KCP: variants seen among roughly 807,000 people sequenced by gnomAD.
KCP encodes kielin/chordin-like protein.
A neutral mutation model predicts 212.7 loss-of-function variants in KCP; 194 were observed. The observed-to-expected ratio is 0.91, with a 90% confidence interval of 0.81 to 1.03. The LOEUF is 1.03. KCP is among the 50% of genes least tolerant of loss of function. KCP has a pLI of 0.00. For missense variants in KCP, 2,080 were observed against 2,162.5 expected (o/e 0.96, Z 0.76); for synonymous variants, 833 against 865.3 (o/e 0.96, Z 0.65).
At position 128,884,122 on chromosome 7, in the gene KCP, GC is replaced by G; in HGVS notation, c.3124-1del. 6.5e-7 allele frequency: 1 copy of G among 1,543,116 alleles called. No individual in the cohort carries two copies. The highest frequency in any genetic ancestry group is 8.7e-7 in the Non-Finnish European group (1 of 1,144,914). ...AGGCTGGGAGGCCCCTCAGGCTGTG[GC>G]TACAAGAATGAGTGAGCAGCGGTGG... On this transcript the variant is annotated splice_acceptor_variant, in intron 28 of 39. Transcript: ENST00000610776. LOFTEE classifies it high-confidence loss of function.
chr7:128,885,031 C>T (rs892744916), intron 27 of KCP, 66 bp downstream of exon 27: 11 of 1,538,748 alleles, frequency 7.1e-6, no homozygotes, highest in South Asian at 3.6e-5. Context: ...GGCCCAGCAG[C>T]GGCAGGGAGG....
rs1303565040 is a variant in KCP at position 128,877,283 on chromosome 7, G to A, written c.4647C>T (p.Phe1549=). The A allele has an allele frequency of 5.3e-6, 8 of 1,510,336 alleles. No individual in the cohort carries two copies. The Admixed American group carries it at 7.6e-5, about 14-fold the overall frequency. The allele number at this position is 1,510,336 out of a possible 1,614,324, so 93.6% of individuals were successfully genotyped here. A position where few individuals can be genotyped will look rare whatever the true frequency, so the allele number is the denominator to read the frequency against. Residue 1549 remains phenylalanine (F), a synonymous_variant, in exon 40 of 40, where the codon TTC becomes TTT. Coordinates refer to ENST00000610776, the MANE Select transcript of KCP (RefSeq NM_001366122.1). ...CVVGCPLERG[F]VFDECGPPCP... is the part of the protein sequence containing the mutation. ...AGGGTGGGCCGCACTCATCAAACAC[G>A]AAGCCACGCTCCAGGGGGCAGCCTA...
In KCP at chr7:128,903,755, C is replaced by A; in HGVS notation, c.720G>T (p.Arg240Ser). The change falls in exon 7 of 40, where the codon AGG becomes AGT. Residue 240 changes from arginine to serine, a missense_variant. Transcript: ENST00000610776. ...GGCAGGTTGGGCAGCAGTGCCCAGG[C>A]CTCAGCACTGGCTCTGGGCAGGGGC... ...PPSPCPEPVL[R>S]PGHCCPTCQG... The A allele has an allele frequency of 6.4e-7, 1 of 1,550,986 alleles. No individual in the cohort carries two copies. The highest frequency in any genetic ancestry group is 8.7e-7 in the Non-Finnish European group (1 of 1,146,702).
chr7:128,899,949 G>T (rs1335742696), intron 8 of KCP, among the ~76,000 whole-genome samples: 1 of 133,152 alleles, frequency 7.5e-6, no homozygotes, highest in Non-Finnish European at 1.5e-5. Flanking sequence ...TCTGTACAGG[G>T]TTTCTGACCT....
intron 8 of KCP, among the ~76,000 whole-genome samples, chr7:128,901,319 C>T (rs1240860843): frequency 6.6e-6 from 1 of 152,198 alleles, no homozygotes; most frequent in East Asian, 1.9e-4. Flanking sequence ...TCTTTTATTC[C>T]TCTACTTTCT....
intron 28 of KCP, among the ~76,000 whole-genome samples, chr7:128,884,563 C>T (rs968284629): frequency 8.5e-5 from 13 of 152,206 alleles, no homozygotes; most frequent in African/African-American, 2.9e-4. Flanking sequence ...GGGCCACCTA[C>T]GGCCTCCTGC....
At chr7:128,888,144 C>CCA (rs1280327456) in intron 22 of KCP, among the ~76,000 whole-genome samples, 8 of 105,634 alleles carry the variant, frequency 7.6e-5, no homozygotes, top group African/African-American at 3.0e-4. Flanking sequence ...ACACACAGGG[C>CCA]CACACACACA....
chr7:128,906,336 G>A lies in KCP; in HGVS notation c.514C>T (p.Pro172Ser). ...LEGTITCNQKPCPRGPCPEPG... is the reference protein window; with the variant it reads ...LEGTITCNQKSCPRGPCPEPG... ...TCAGGGCAGGGTCCTCTTGGGCATGGCTTCTGGTTGCAAGTGATGGTACCT... is the reference window on the plus strand; with the variant it reads ...TCAGGGCAGGGTCCTCTTGGGCATGACTTCTGGTTGCAAGTGATGGTACCT... The change falls in exon 5 of 40, where the codon CCA becomes TCA. Residue 172 changes from proline (P) to serine (S), a missense_variant. Coordinates refer to ENST00000610776, the MANE Select transcript of KCP (RefSeq NM_001366122.1). 1 of 1,550,164 alleles carries A rather than the reference G, an allele frequency of 6.5e-7. No individual in the cohort carries two copies. The highest frequency in any genetic ancestry group is 8.7e-7 in the Non-Finnish European group (1 of 1,146,834).
At chr7:128,883,739 C>T (rs936500707) in intron 29 of KCP, among the ~76,000 whole-genome samples, 3 of 152,266 alleles carry the variant, frequency 2.0e-5, no homozygotes, top group Non-Finnish European at 4.4e-5. Flanking sequence ...CTGGGCCTCA[C>T]GTCTCAGCAC....
At position 128,882,494 on chromosome 7, in the gene KCP, C is replaced by T. The variant is rs570112349; in HGVS notation, c.3245-478G>A. On this transcript the variant is annotated intron_variant, in intron 29 of 39. Transcript: ENST00000610776. ...AATCTGTAAAAAGAGATTAATAATACTTCCCTCACTGGGTAACTATGAAAA... is the reference window on the plus strand; with the variant it reads ...AATCTGTAAAAAGAGATTAATAATATTTCCCTCACTGGGTAACTATGAAAA... Among the ~76,000 whole-genome samples, 7 of 152,304 alleles carry T rather than the reference C, an allele frequency of 4.6e-5. No individual in the cohort carries two copies. In the East Asian group the frequency reaches 1.2e-3, roughly 25 times the overall value.
At chr7:128,908,813 G>A (rs565677320) in intron 1 of KCP, among the ~76,000 whole-genome samples, 1 of 152,322 alleles carries the variant, frequency 6.6e-6, no homozygotes, top group African/African-American at 2.4e-5. Context: ...TCTTTTCAGG[G>A]AGAACATGAG....
chr7:128,890,836 C>T (rs1794066232), intron 20 of KCP, 69 bp downstream of exon 20: 4 of 1,168,246 alleles, frequency 3.4e-6, no homozygotes, highest in Non-Finnish European at 4.4e-6. Flanking sequence ...GGGGACTGGG[C>T]AGGGCGCTCC....
intron 26 of KCP, among the ~76,000 whole-genome samples, 181 bp downstream of exon 26, chr7:128,886,283 G>A (rs548066549): frequency 6.6e-6 from 1 of 152,264 alleles, no homozygotes; most frequent in South Asian, 2.1e-4. Flanking sequence ...AAGAGGGATG[G>A]TCTGGGCAGT....
Position 128,892,668 on chromosome 7 carries a change from C to T in KCP, c.1527+20G>A. Reference sequence around the variant, plus strand: ...GCCCAGGAGGGGCTCAGCAGGGCAGCAGCAAGGCTGGGCAGTTACCTGACA... The same window carrying T: ...GCCCAGGAGGGGCTCAGCAGGGCAGTAGCAAGGCTGGGCAGTTACCTGACA... On this transcript the variant is annotated intron_variant, in intron 15 of 39. Transcript: ENST00000610776. 1 of 1,551,450 alleles carries T rather than the reference C, an allele frequency of 6.4e-7. No homozygotes were observed. Among genetic ancestry groups the T allele is most frequent in the South Asian group, 1.2e-5 (1 of 84,060 alleles).
chr7:128,910,560 C>T (rs1795379095), intron 1 of KCP, 41 bp downstream of exon 1: 7 of 1,488,224 alleles, frequency 4.7e-6, no homozygotes, highest in Non-Finnish European at 6.2e-6. Context: ...AGGGAGGGGG[C>T]GCACCTGGCC....
chr7:128,884,487 A>G (rs1417053392), intron 28 of KCP, among the ~76,000 whole-genome samples: 1 of 151,950 alleles, frequency 6.6e-6, no homozygotes, highest in Non-Finnish European at 1.5e-5. Context: ...TCTCCACAAT[A>G]TGACCCCTAG....
intron 9 of KCP, 23 bp from the exon 10 acceptor site, chr7:128,894,078 A>C: frequency 6.5e-7 from 1 of 1,544,344 alleles, no homozygotes; most frequent in African/African-American, 1.4e-5. Flanking sequence ...GGGGCCTTAG[A>C]TGTTCCTCAG....
Position 128,907,157 on chromosome 7 carries a change from T to C in KCP, c.430A>G (p.Thr144Ala), listed in dbSNP as rs533682118. ...GAGAAGGTCTCCCCGTTGCCGTAGG[T>C]CTGGCCATTTTGGCTGCAGCCTAAG... ...HCRGCSQNGQ[T>A]YGNGETFSPD... The change falls in exon 4 of 40, where the codon ACC (threonine) becomes GCC (alanine). Residue 144 changes from threonine to alanine, a missense_variant. By Grantham distance (58) the Thr-to-Ala change is moderately conservative (BLOSUM62 0). Transcript: ENST00000610776. 4.5e-6 allele frequency: 7 copies of C among 1,551,494 alleles called. No homozygotes were observed. The African/African-American group carries it at 6.8e-5, about 15-fold the overall frequency.
intron 13 of KCP, 44 bp from the exon 14 acceptor site, chr7:128,893,065 C>T: frequency 1.1e-6 from 1 of 878,190 alleles, no homozygotes; most frequent in Non-Finnish European, 1.9e-6. Context: ...ACACCTCCCA[C>T]CCATCCCTGT....
Sources: gnomAD v4.1 joint callset for allele counts (sites outside exome capture counted in the v4.1 genomes callset) on GRCh38, gnomAD v4.1.1 for gene constraint, MANE v1.5 for transcripts, NCBI Gene and HGNC (gene_info 2026-07-23, HGNC 2026-07-21) for gene names.